The following EPM2A variants were observed in gnomAD, a reference collection of about 807,000 sequenced individuals.
The protein encoded by EPM2A is EPM2A glucan phosphatase, laforin, also known as laforin.
Under a neutral mutation model 26.5 loss-of-function variants are expected in EPM2A, and 21 were observed. That is an observed-to-expected ratio of 0.79 (90% CI 0.56 to 1.14). EPM2A has a LOEUF of 1.14. Ranked by LOEUF, EPM2A falls within the 50% of genes most tolerant of loss-of-function variation. The probability of loss-of-function intolerance (pLI) is 0.00; values close to 1 mark genes in which losing one functional copy is unlikely to be tolerated. For synonymous variants in EPM2A, 217 were observed against 177.6 expected (o/e 1.22, Z -1.76); for missense variants, 458 against 440.8 (o/e 1.04, Z -0.35).
At chr6:145,440,055 C>T (rs925334211) in intron 4 of EPM2A, among the ~76,000 whole-genome samples, 2 of 152,158 alleles carry the variant, frequency 1.3e-5, no homozygotes, top group Non-Finnish European at 2.9e-5. Context: ...AGCCCAGAAC[C>T]ATTTATTGAA....
intron 4 of EPM2A, among the ~76,000 whole-genome samples, chr6:145,479,766 C>A (rs1779590088): frequency 6.6e-6 from 1 of 151,908 alleles, no homozygotes; most frequent in Admixed American, 6.6e-5. Flanking sequence ...CTTCTGGGTA[C>A]CTACCTAGCA....
intron 4 of EPM2A, among the ~76,000 whole-genome samples, chr6:145,476,830 G>C (rs982521074): frequency 1.3e-5 from 2 of 151,854 alleles, no homozygotes; most frequent in African/African-American, 4.8e-5. Flanking sequence ...ACAGCTATAA[G>C]TGCCTACATC....
intron 4 of EPM2A, among the ~76,000 whole-genome samples, chr6:145,415,659 C>T (rs1778698450): frequency 1.3e-5 from 2 of 152,026 alleles, no homozygotes; most frequent in African/African-American, 2.4e-5. Context: ...ATAATGACAC[C>T]TCCCATTTGT....
At chr6:145,489,960 A>G in intron 4 of EPM2A, 2 of 1,372,960 alleles carry the variant, frequency 1.5e-6, no homozygotes, top group Admixed American at 1.8e-5. Flanking sequence ...CTGGAAGCAC[A>G]CTCGTGTGAA....
chr6:145,416,952 G>A (rs1778716634), intron 4 of EPM2A, among the ~76,000 whole-genome samples: 1 of 151,984 alleles, frequency 6.6e-6, no homozygotes, highest in African/African-American at 2.4e-5. Flanking sequence ...ACTGTAAGAA[G>A]GGTTTCTACA....
At chr6:145,665,707 A>G (rs1779125364) in intron 2 of EPM2A, among the ~76,000 whole-genome samples, 2 of 136,502 alleles carry the variant, frequency 1.5e-5, no homozygotes, top group Non-Finnish European at 3.1e-5. Flanking sequence ...CAGAGACACA[A>G]CCAAAAAAGA....
intron 2 of EPM2A, among the ~76,000 whole-genome samples, chr6:145,512,338 AC>A (rs1414735416): frequency 6.6e-6 from 1 of 152,168 alleles, no homozygotes; most frequent in Non-Finnish European, 1.5e-5. Flanking sequence ...ACCTTGACTG[AC>A]TTCAAATTAT....
At chr6:145,641,097 A>G (rs1363750112) in intron 2 of EPM2A, 3 of 152,198 alleles carry the variant, frequency 2.0e-5, no homozygotes, top group Non-Finnish European at 2.9e-5. Context: ...AAAGCAAATA[A>G]TTTTTGACAA....
At chr6:145,536,618 C>G (rs1025371284) in intron 2 of EPM2A, among the ~76,000 whole-genome samples, 20 of 152,088 alleles carry the variant, frequency 1.3e-4, no homozygotes, top group African/African-American at 4.1e-4. Context: ...TTTTTATGTT[C>G]ACTCACTCAT....
chr6:145,719,371 A>G (rs1395292361), intron 1 of EPM2A, among the ~76,000 whole-genome samples: 1 of 150,744 alleles, frequency 6.6e-6, no homozygotes, highest in Non-Finnish European at 1.5e-5. Flanking sequence ...CTATCGCAAG[A>G]ACAAAAAACC....
chr6:145,574,411 C>A (rs1408473289), intron 2 of EPM2A, among the ~76,000 whole-genome samples: 1 of 152,154 alleles, frequency 6.6e-6, no homozygotes, highest in Non-Finnish European at 1.5e-5. Flanking sequence ...TGCCACTTGG[C>A]CCCTGCCACC....
chr6:145,549,818 C>T (rs1780630060), intron 2 of EPM2A, among the ~76,000 whole-genome samples: 1 of 152,116 alleles, frequency 6.6e-6, no homozygotes, highest in Non-Finnish European at 1.5e-5. Flanking sequence ...TGTGCAGAAG[C>T]TTTACAAAAG....
At chr6:145,545,975 C>T (rs909979339) in intron 2 of EPM2A, among the ~76,000 whole-genome samples, 2 of 152,096 alleles carry the variant, frequency 1.3e-5, no homozygotes, top group Non-Finnish European at 1.5e-5. Flanking sequence ...TCTAATTCTC[C>T]CTTATTGCTC....
Position 145,566,326 on chromosome 6 carries a change from A to G in EPM2A, c.341-63751T>C, listed in dbSNP as rs890844058. 2.6e-5 allele frequency among the ~76,000 whole-genome samples: 4 copies of G among 152,166 alleles called. 1 individual carries two copies. Among genetic ancestry groups the G allele is most frequent in the African/African-American group, 9.7e-5 (4 of 41,428 alleles). On this transcript the variant is annotated intron_variant, in intron 2 of 3. Coordinates refer to the EPM2A transcript ENST00000450221. ...ATTATATTCCATTCCTTTCTCAAAAATTGTTTTGGTTTATACTGGAAATAT... is the reference window on the plus strand; with the variant it reads ...ATTATATTCCATTCCTTTCTCAAAAGTTGTTTTGGTTTATACTGGAAATAT...
At chr6:145,464,332 C>A (rs1311825421) in intron 4 of EPM2A, among the ~76,000 whole-genome samples, 1 of 152,120 alleles carries the variant, frequency 6.6e-6, no homozygotes, top group Non-Finnish European at 1.5e-5. Flanking sequence ...TCAATTAAAC[C>A]TCTTTCCTTT....
intron 4 of EPM2A, among the ~76,000 whole-genome samples, chr6:145,476,967 T>C (rs1262921913): frequency 1.3e-5 from 2 of 151,460 alleles, no homozygotes; most frequent in African/African-American, 2.4e-5. Flanking sequence ...ATAAATAAAA[T>C]TGAAATGGAA....
At chr6:145,589,960 T>C (rs1385472389) in intron 2 of EPM2A, among the ~76,000 whole-genome samples, 1 of 151,074 alleles carries the variant, frequency 6.6e-6, no homozygotes, top group African/African-American at 2.4e-5. Flanking sequence ...CTAAACAATC[T>C]GAAAATCAAC....
At chr6:145,587,997 A>C (rs532467009) in intron 2 of EPM2A, among the ~76,000 whole-genome samples, 1 of 152,306 alleles carries the variant, frequency 6.6e-6, no homozygotes, top group East Asian at 1.9e-4. Flanking sequence ...GAAAGTACTT[A>C]CAGATTCAAT....
intron 4 of EPM2A, among the ~76,000 whole-genome samples, chr6:145,443,398 G>T (rs1463727113): frequency 1.3e-5 from 2 of 152,080 alleles, no homozygotes; most frequent in Admixed American, 1.3e-4. Flanking sequence ...TGTCATCTCT[G>T]ATTTCTTTGA....
Sources: allele counts gnomAD v4.1 joint callset (sites outside exome capture counted in the v4.1 genomes callset), GRCh38; gene constraint gnomAD v4.1.1; transcripts MANE v1.5; gene names NCBI Gene and HGNC (gene_info 2026-07-23, HGNC 2026-07-21).